Variants in ZNF12 observed in about 807,000 individuals in gnomAD.
The protein encoded by ZNF12 is gonadotropin inducible transcription repressor 3.
In ZNF12, 34 loss-of-function variants were observed where a neutral mutation model predicts 66.6. The ratio of observed to expected loss-of-function variants is 0.51; its 90% confidence interval spans 0.39 to 0.68. The LOEUF (loss-of-function observed/expected upper bound fraction) is 0.68, where lower values mean the gene tolerates loss of function less well. ZNF12 is among the 30% of genes least tolerant of loss of function. The pLI is 0.00. For missense variants in ZNF12, 697 were observed against 826.9 expected (o/e 0.84, Z 1.93); for synonymous variants, 320 against 278.9 (o/e 1.15, Z -1.47).
chr7:6,703,374 A>G (rs1243632906), intron 2 of ZNF12, among the ~76,000 whole-genome samples: 2 of 152,242 alleles, frequency 1.3e-5, no homozygotes, highest in Non-Finnish European at 2.9e-5. Context: ...GAGGCCAAAA[A>G]ATAAGCTATT....
At chr7:6,693,804 C>T (rs1780112200) in intron 4 of ZNF12, among the ~76,000 whole-genome samples, 1 of 152,238 alleles carries the variant, frequency 6.6e-6, no homozygotes, top group African/African-American at 2.4e-5. Context: ...CCCTGACATA[C>T]TACCATCACT....
At chr7:6,703,547 G>T (rs963058456) in intron 2 of ZNF12, among the ~76,000 whole-genome samples, 4 of 152,136 alleles carry the variant, frequency 2.6e-5, no homozygotes, top group African/African-American at 9.7e-5. Flanking sequence ...TGAATCAATA[G>T]GAACAAGAGA....
chr7:6,700,523 CCT>C (rs1238668256), intron 2 of ZNF12, among the ~76,000 whole-genome samples: 10 of 152,184 alleles, frequency 6.6e-5, no homozygotes, highest in Admixed American at 2.6e-4. Context: ...CTAGGAGAGT[CCT>C]CTGTCTAGCA....
At chr7:6,706,408 C>G (rs1780358069) in intron 1 of ZNF12, 24 bp downstream of exon 1, 2 of 467,768 alleles carry the variant, frequency 4.3e-6, no homozygotes, top group South Asian at 1.5e-5. Flanking sequence ...CTTCTCGCCC[C>G]GGGCCCGCAA....
intron 4 of ZNF12, among the ~76,000 whole-genome samples, chr7:6,693,927 G>A (rs1003112068): frequency 6.6e-6 from 1 of 152,074 alleles, no homozygotes; most frequent in Non-Finnish European, 1.5e-5. Context: ...CAGCACTTTG[G>A]GAGGCTGAGG....
intron 2 of ZNF12, among the ~76,000 whole-genome samples, chr7:6,702,281 G>C (rs1240743616): frequency 7.0e-6 from 1 of 142,898 alleles, no homozygotes; most frequent in Non-Finnish European, 1.5e-5. Flanking sequence ...GAGAGTACCA[G>C]ATTCGTCTCC....
Position 6,698,130 on chromosome 7 carries a change from A to G in ZNF12, c.16-319T>C, listed in dbSNP as rs936751988. 16 of 531,686 alleles carry G rather than the reference A, an allele frequency of 3.0e-5. No homozygotes were observed. Among genetic ancestry groups the G allele is most frequent in the Non-Finnish European group, 5.0e-5 (14 of 280,408 alleles). The allele number at this position is 531,686 out of a possible 1,614,324, so 32.9% of individuals were successfully genotyped here. Reference sequence around the variant, plus strand: ...GCACAGGCCTGGGGACACTCACAGAACCCCAGGATGCACTCTGCTTCTTTG... The same window carrying G: ...GCACAGGCCTGGGGACACTCACAGAGCCCCAGGATGCACTCTGCTTCTTTG... On this transcript the variant is annotated intron_variant, in intron 2 of 4. Transcript: ENST00000405858. This position sits in a 1 kb window ranked among gnomAD's most constrained non-coding sequence, Gnocchi z 4.4.
chr7:6,690,542 CTGAT>C lies in ZNF12; in HGVS notation c.*302_*305del. The C allele has an allele frequency of 4.2e-6, 1 of 239,366 alleles. No homozygotes were observed. Among genetic ancestry groups the C allele is most frequent in the Non-Finnish European group, 8.1e-6 (1 of 123,818 alleles). The allele number at this position is 239,366 out of a possible 1,614,324, so 14.8% of individuals were successfully genotyped here. On this transcript the variant is annotated 3_prime_UTR_variant, in exon 5 of 5. Coordinates refer to ENST00000405858, the MANE Select transcript of ZNF12 (RefSeq NM_016265.4). ...GATTATGTCTTCCACATTCCTTATA[CTGAT>C]AGATTTCCCCTTGGCTATGATTTCC...
Position 6,698,660 on chromosome 7 carries a change from G to T in ZNF12, c.16-849C>A, listed in dbSNP as rs1780188708. Reference sequence around the variant, plus strand: ...CACATGAATTATCAGTAATAGCTTGGTTCAGGTTTTCCTAATTCCCAGCTG... The same window carrying T: ...CACATGAATTATCAGTAATAGCTTGTTTCAGGTTTTCCTAATTCCCAGCTG... On this transcript the variant is annotated intron_variant, in intron 2 of 4. Transcript: ENST00000405858. The surrounding 1 kb of genome is among the most constrained non-coding windows in gnomAD (Gnocchi z 4.4). Among the ~76,000 whole-genome samples, 1 of 152,178 alleles carries T rather than the reference G, an allele frequency of 6.6e-6. No homozygotes were observed. Among genetic ancestry groups the T allele is most frequent in the South Asian group, 2.1e-4 (1 of 4,826 alleles).
In ZNF12 at chr7:6,706,570, G is replaced by C. The variant is rs1270894628; in HGVS notation, c.-189C>G. The C allele has an allele frequency of 2.2e-6, 1 of 463,582 alleles. No individual in the cohort carries two copies. Among genetic ancestry groups the C allele is most frequent in the Admixed American group, 2.3e-5 (1 of 43,226 alleles). The allele number at this position is 463,582 out of a possible 1,614,324, so 28.7% of individuals were successfully genotyped here. The stretch of plus-strand genomic sequence containing the variant: ...GTTCTGCTCCAGAGGGGCCCGGGCC[G>C]GGCCTACGGGACAAATCCAGGCGGG... On this transcript the variant is annotated 5_prime_UTR_variant, in exon 1 of 5. Transcript: ENST00000405858.
rs1346992587 is a variant in ZNF12 at position 6,690,332 on chromosome 7, T to C, written c.*516A>G. ...ACCCTCTCCCCAAACATAAGTCCTATGTTCTTTGGGAACTGCTTACATGAG... is the reference window on the plus strand; with the variant it reads ...ACCCTCTCCCCAAACATAAGTCCTACGTTCTTTGGGAACTGCTTACATGAG... On this transcript the variant is annotated 3_prime_UTR_variant, in exon 5 of 5. Coordinates refer to ENST00000405858, the MANE Select transcript of ZNF12 (RefSeq NM_016265.4). The C allele has an allele frequency of 6.6e-6, 1 of 152,374 alleles. No individual in the cohort carries two copies. The highest frequency in any genetic ancestry group is 2.4e-5 in the African/African-American group (1 of 41,464). 9.4% of individuals were successfully genotyped at this position (152,374 alleles called of 1,614,324 possible).
At chr7:6,700,380 A>G (rs1022290564) in intron 2 of ZNF12, among the ~76,000 whole-genome samples, 5 of 151,732 alleles carry the variant, frequency 3.3e-5, no homozygotes, top group Non-Finnish European at 7.4e-5. Context: ...GACCAGAAAC[A>G]TACTTAGAAA....
At chr7:6,700,302 T>TACACAC (rs780908025) in intron 2 of ZNF12, among the ~76,000 whole-genome samples, 5 of 83,876 alleles carry the variant, frequency 6.0e-5, no homozygotes, top group African/African-American at 2.2e-4. Flanking sequence ...AAAAAAAAAA[T>TACACAC]ATACACACAC....
rs1195724729 is a variant in ZNF12, at chr7:6,705,168, A to G, written c.6T>C (p.Asn2=). The G allele has an allele frequency of 3.1e-6, 5 of 1,613,648 alleles. No homozygotes were observed. The highest frequency in any genetic ancestry group is 3.4e-6 in the Non-Finnish European group (4 of 1,179,754). M[N]KSLGPVSFKD... ...GAACAGAAACACTCACCAGGGATTTATTCATTTTCTGCTGCTCTTGGAAAA... is the reference window on the plus strand; with the variant it reads ...GAACAGAAACACTCACCAGGGATTTGTTCATTTTCTGCTGCTCTTGGAAAA... Residue 2 remains asparagine (N), a synonymous_variant, in exon 2 of 5, where the codon AAT becomes AAC. Coordinates refer to ENST00000405858, the MANE Select transcript of ZNF12 (RefSeq NM_016265.4). This position sits in a 1 kb window ranked among gnomAD's most constrained non-coding sequence, Gnocchi z 4.0.
rs2115351150 is a variant in ZNF12, at chr7:6,697,568, T to G, written c.142+117A>C. The G allele has an allele frequency of 6.5e-7, 1 of 1,542,972 alleles. No homozygotes were observed. The highest frequency in any genetic ancestry group is 1.2e-5 in the South Asian group (1 of 83,306). The stretch of plus-strand genomic sequence containing the variant: ...GGGGGAGATCAAGACCAAAATGCCC[T>G]GCCTGGTGCCCAAAAACAGATTACT... On this transcript the variant is annotated intron_variant, in intron 3 of 4. Coordinates refer to ENST00000405858, the MANE Select transcript of ZNF12 (RefSeq NM_016265.4). The surrounding 1 kb of genome is among the most constrained non-coding windows in gnomAD (Gnocchi z 6.1).
At position 6,698,247 on chromosome 7, in the gene ZNF12, C is replaced by G. The variant is rs1188388530; in HGVS notation, c.16-436G>C. Among the ~76,000 whole-genome samples, 2 of 139,840 alleles carry G rather than the reference C, an allele frequency of 1.4e-5. No homozygotes were observed. Among genetic ancestry groups the G allele is most frequent in the African/African-American group, 5.4e-5 (2 of 36,852 alleles). 91.7% of individuals were successfully genotyped at this position (139,840 alleles called of 152,430 possible). A position where few individuals can be genotyped will look rare whatever the true frequency, so the allele number is the denominator to read the frequency against. On this transcript the variant is annotated intron_variant, in intron 2 of 4. Coordinates refer to ENST00000405858, the MANE Select transcript of ZNF12 (RefSeq NM_016265.4). This position sits in a 1 kb window ranked among gnomAD's most constrained non-coding sequence, Gnocchi z 4.4. Reference sequence around the variant, plus strand: ...CTTCTCAGTCCCTTTGCTGGCTCCTCCTCTACTCCAAGTCATCCTGAATGT... The same window carrying G: ...CTTCTCAGTCCCTTTGCTGGCTCCTGCTCTACTCCAAGTCATCCTGAATGT...
Position 6,692,158 on chromosome 7 carries a change from A to G in ZNF12, c.784T>C (p.Ser262Pro), listed in dbSNP as rs1780079701. ...QMSDLTVHQTSHMEMKPYECS... is the reference protein window; with the variant it reads ...QMSDLTVHQTPHMEMKPYECS... ...TCATAGGGCTTCATTTCCATATGAGATGTCTGATGTACAGTGAGGTCCGAC... is the reference window on the plus strand; with the variant it reads ...TCATAGGGCTTCATTTCCATATGAGGTGTCTGATGTACAGTGAGGTCCGAC... Residue 262 changes from serine to proline, a missense_variant, in exon 5 of 5, where the codon TCT becomes CCT. Physicochemically the swap from Ser to Pro is moderately conservative, Grantham distance 74. Transcript: ENST00000405858. This position sits in a 1 kb window ranked among gnomAD's most constrained non-coding sequence, Gnocchi z 5.1. 1.9e-6 allele frequency: 3 copies of G among 1,614,012 alleles called. No homozygotes were observed. Among genetic ancestry groups the G allele is most frequent in the Non-Finnish European group, 2.5e-6 (3 of 1,180,004 alleles).
Position 6,696,475 on chromosome 7 carries a change from T to C in ZNF12, c.238+864A>G, listed in dbSNP as rs1653725029. 6.6e-6 allele frequency among the ~76,000 whole-genome samples: 1 copy of C among 152,122 alleles called. No individual in the cohort carries two copies. The highest frequency in any genetic ancestry group is 2.1e-4 in the South Asian group (1 of 4,830). On this transcript the variant is annotated intron_variant, in intron 4 of 4. Transcript: ENST00000405858. This position sits in a 1 kb window ranked among gnomAD's most constrained non-coding sequence, Gnocchi z 4.0. Reference sequence around the variant, plus strand: ...ATACCAGACTAGAGCCCAGGCTCAATGGTGGTAGAGATGTCATCCTGGGTG... The same window carrying C: ...ATACCAGACTAGAGCCCAGGCTCAACGGTGGTAGAGATGTCATCCTGGGTG...
At chr7:6,702,398 A>ACACCCCG (rs1554294938) in intron 2 of ZNF12, among the ~76,000 whole-genome samples, 2 of 3,364 alleles carry the variant, frequency 5.9e-4, no homozygotes, top group African/African-American at 1.4e-3. Flanking sequence ...ACACACACAC[A>ACACCCCG]ACCAGATTCG....
Sources: gnomAD v4.1 joint callset for allele counts (sites outside exome capture counted in the v4.1 genomes callset) on GRCh38, gnomAD v4.1.1 for gene constraint, Gnocchi (gnomAD v3.1) non-coding constraint, MANE v1.5 for transcripts, NCBI Gene and HGNC (gene_info 2026-07-23, HGNC 2026-07-21) for gene names.